Variants in DOCK4 observed in about 807,000 individuals in gnomAD.
The protein encoded by DOCK4 is dedicator of cytokinesis protein 4.
Under a neutral mutation model 268.1 loss-of-function variants are expected in DOCK4, and 97 were observed. The ratio of observed to expected loss-of-function variants is 0.36; its 90% CI spans 0.31 to 0.43. The LOEUF is 0.43. Ranked by LOEUF, DOCK4 falls within the 20% of genes least tolerant of loss-of-function variation. DOCK4 has a pLI of 1.00. For synonymous variants in DOCK4, 954 were observed against 887.2 expected (o/e 1.08, Z -1.34); for missense variants, 2,145 against 2,455.7 (o/e 0.87, Z 2.67).
chr7:112,064,421 A>G (rs1348952151), intron 1 of DOCK4, among the ~76,000 whole-genome samples: 2 of 152,372 alleles, frequency 1.3e-5, no homozygotes, highest in African/African-American at 4.8e-5. Flanking sequence ...TGAAACAGCT[A>G]AAGTTCCCAG....
chr7:111,979,516 T>C, intron 7 of DOCK4, among the ~76,000 whole-genome samples: 1 of 148,466 alleles, frequency 6.7e-6, no homozygotes, highest in East Asian at 1.9e-4. Context: ...AGTGGCATCA[T>C]TATGTTCATA....
chr7:111,934,338 G>A (rs1255755281), intron 12 of DOCK4, among the ~76,000 whole-genome samples: 3 of 151,882 alleles, frequency 2.0e-5, no homozygotes, highest in Non-Finnish European at 4.4e-5. Flanking sequence ...TACCTCATAC[G>A]ACTTATAGTG....
At chr7:112,037,771 G>T (rs1803950205) in intron 1 of DOCK4, among the ~76,000 whole-genome samples, 1 of 152,086 alleles carries the variant, frequency 6.6e-6, no homozygotes, top group Admixed American at 6.6e-5. Context: ...AATACCAGCA[G>T]AATTACAAGA....
chr7:111,728,538 T>C lies in DOCK4; in HGVS notation c.5664A>G (p.Pro1888=), dbSNP rs1554573117. The C allele has an allele frequency of 4.3e-6, 7 of 1,613,614 alleles. No individual in the cohort carries two copies. The highest frequency in any genetic ancestry group is 3.3e-5 in the Admixed American group (2 of 60,016). The change falls in exon 53 of 53, where the codon CCA becomes CCG. Residue 1888 remains proline, a synonymous_variant. Transcript: ENST00000428084. The stretch of plus-strand genomic sequence containing the variant: ...CGTAGCTCGGCACGGGCACCGGCAC[T>C]GGCACCGGCAGGGGGGCCGACTGTT... The part of the protein sequence containing the change: ...VNEQSAPLPV[P]VPVPVPSYGG...
chr7:112,114,813 T>C (rs1811977070), intron 1 of DOCK4, among the ~76,000 whole-genome samples: 1 of 152,208 alleles, frequency 6.6e-6, no homozygotes. Context: ...TCACACTAAG[T>C]AGCCAGAAGT....
At chr7:112,202,894 T>C (rs1335255062) in intron 1 of DOCK4, among the ~76,000 whole-genome samples, 3 of 152,028 alleles carry the variant, frequency 2.0e-5, no homozygotes, top group South Asian at 2.1e-4. Context: ...ATCAAACAAA[T>C]TGAGAAAGAG....
intron 1 of DOCK4, among the ~76,000 whole-genome samples, 163 bp from the exon 2 acceptor site, chr7:112,004,294 T>C (rs1013023107): frequency 6.6e-6 from 1 of 152,234 alleles, no homozygotes; most frequent in Non-Finnish European, 1.5e-5. Context: ...AATCACTAAG[T>C]TCACATACTT....
At chr7:112,010,625 G>T (rs750959522) in intron 1 of DOCK4, among the ~76,000 whole-genome samples, 16 of 152,290 alleles carry the variant, frequency 1.1e-4, no homozygotes, top group Non-Finnish European at 1.9e-4. Flanking sequence ...CCTTCATCTG[G>T]TAATAGGCTG....
rs567927068 is a variant in DOCK4, at chr7:111,893,551, T to C, written c.1587+2061A>G. Among the ~76,000 whole-genome samples the C allele has an allele frequency of 2.5e-4, 38 of 152,330 alleles. No individual in the cohort carries two copies. The East Asian group carries it at 3.5e-3, about 14-fold the overall frequency. On this transcript the variant is annotated intron_variant, in intron 16 of 52. Coordinates refer to ENST00000428084, the MANE Select transcript of DOCK4 (RefSeq NM_001363540.2). ...GAAGTACCATTTATGTTTTCGAAAATTGAAGCTCAAGACATTGCCTGTTAT... is the reference window on the plus strand; with the variant it reads ...GAAGTACCATTTATGTTTTCGAAAACTGAAGCTCAAGACATTGCCTGTTAT...
intron 27 of DOCK4, among the ~76,000 whole-genome samples, chr7:111,813,680 AGAT>A: frequency 6.6e-6 from 1 of 152,222 alleles, no homozygotes; most frequent in Non-Finnish European, 1.5e-5. Flanking sequence ...CCTAAATGGC[AGAT>A]ATCATCAGTG....
In DOCK4 at chr7:111,726,194, A is replaced by G. The variant is rs1798411675; in HGVS notation, c.*2080T>C. On this transcript the variant is annotated 3_prime_UTR_variant, in exon 53 of 53. Coordinates refer to ENST00000428084, the MANE Select transcript of DOCK4 (RefSeq NM_001363540.2). The stretch of plus-strand genomic sequence containing the variant: ...ATGTGGGCTAACAGAATCTCTTAAA[A>G]TGTTCTGCTATGTAGCTGCTTCAGA... The G allele has an allele frequency of 6.6e-6, 1 of 152,658 alleles. No individual in the cohort carries two copies. Among genetic ancestry groups the G allele is most frequent in the African/African-American group, 2.4e-5 (1 of 41,460 alleles). 9.5% of individuals were successfully genotyped at this position (152,658 alleles called of 1,614,324 possible).
chr7:111,951,489 C>A (rs1796041617), intron 8 of DOCK4, among the ~76,000 whole-genome samples: 1 of 151,948 alleles, frequency 6.6e-6, no homozygotes, highest in Non-Finnish European at 1.5e-5. Flanking sequence ...GCAACCCTCT[C>A]TTTGAAAGAA....
At chr7:112,130,915 C>T (rs1465723277) in intron 1 of DOCK4, among the ~76,000 whole-genome samples, 1 of 152,134 alleles carries the variant, frequency 6.6e-6, no homozygotes, top group East Asian at 1.9e-4. Flanking sequence ...TATTTTATGT[C>T]AAGTCATTAC....
At chr7:111,748,144 G>A (rs773200128) in intron 42 of DOCK4, among the ~76,000 whole-genome samples, 2 of 152,170 alleles carry the variant, frequency 1.3e-5, no homozygotes, top group African/African-American at 4.8e-5. Flanking sequence ...TTGCCTTGAA[G>A]AGAAGGTCTG....
intron 2 of DOCK4, among the ~76,000 whole-genome samples, chr7:112,003,449 A>G (rs984376640): frequency 5.3e-5 from 8 of 152,230 alleles, no homozygotes; most frequent in Admixed American, 5.2e-4. Flanking sequence ...AAGGACTAGC[A>G]TTTAAGGATG....
chr7:112,085,271 A>G (rs975119175), intron 1 of DOCK4, among the ~76,000 whole-genome samples: 5 of 152,166 alleles, frequency 3.3e-5, no homozygotes, highest in African/African-American at 9.6e-5. Flanking sequence ...TTCATAAACC[A>G]GTAAACAAGA....
intron 15 of DOCK4, among the ~76,000 whole-genome samples, chr7:111,899,395 C>T (rs1790940267): frequency 6.6e-6 from 1 of 152,114 alleles, no homozygotes; most frequent in South Asian, 2.1e-4. Flanking sequence ...GCTAGATTCA[C>T]CAAAACTTTC....
At chr7:111,864,224 T>A (rs1805785815) in intron 22 of DOCK4, among the ~76,000 whole-genome samples, 1 of 144,446 alleles carries the variant, frequency 6.9e-6, no homozygotes, top group Admixed American at 7.0e-5. Flanking sequence ...GTGTACAGAC[T>A]AAGAACAATA....
At chr7:111,757,675 C>T (rs1171930999) in intron 41 of DOCK4, among the ~76,000 whole-genome samples, 1 of 152,076 alleles carries the variant, frequency 6.6e-6, no homozygotes, top group Admixed American at 6.5e-5. Flanking sequence ...CCCTTCTGAT[C>T]TCCTCTCGGT....
Sources: allele counts gnomAD v4.1 joint callset (sites outside exome capture counted in the v4.1 genomes callset), GRCh38; gene constraint gnomAD v4.1.1; transcripts MANE v1.5; gene names NCBI Gene and HGNC (gene_info 2026-07-23, HGNC 2026-07-21).